The following VPS13B variants were observed in gnomAD, a reference collection of about 807,000 sequenced individuals.
VPS13B encodes intermembrane lipid transfer protein VPS13B.
VPS13B carries 285 observed loss-of-function variants against 426.4 expected under a neutral mutation model. The observed-to-expected ratio is 0.67, with a 90% CI of 0.61 to 0.74. The LOEUF (loss-of-function observed/expected upper bound fraction) is 0.74, where lower values mean the gene tolerates loss of function less well. Among genes scored for constraint, VPS13B ranks in the 30% least tolerant of loss-of-function variants. The pLI, the probability that VPS13B is intolerant of heterozygous loss-of-function variation, is 0.00. For synonymous variants in VPS13B, 1,676 were observed against 1,676.4 expected, an observed-to-expected ratio of 1.00 and a Z score of 0.01; for missense variants, 4,537 against 4,782.6, an observed-to-expected ratio of 0.95 and a Z score of 1.51.
At chr8:99,508,176 T>A (rs991510504) in intron 28 of VPS13B, among the ~76,000 whole-genome samples, 2 of 152,238 alleles carry the variant, frequency 1.3e-5, no homozygotes, top group Admixed American at 6.5e-5. Context: ...AAATTGTGCA[T>A]GTATTGAATG....
intron 40 of VPS13B, among the ~76,000 whole-genome samples, chr8:99,776,510 G>A (rs748900306): frequency 7.2e-5 from 11 of 152,102 alleles, no homozygotes; most frequent in Non-Finnish European, 1.2e-4. Context: ...ACCCAGGCTG[G>A]TCTCGAACTC....
intron 16 of VPS13B, among the ~76,000 whole-genome samples, chr8:99,173,867 CCTT>C (rs1411993817): frequency 6.6e-6 from 1 of 152,202 alleles, no homozygotes; most frequent in East Asian, 1.9e-4. Flanking sequence ...TTGATCCTCT[CCTT>C]CTTGATTCAA....
Position 99,481,752 on chromosome 8 carries a change from C to G in VPS13B, c.3820C>G (p.Pro1274Ala). The change falls in exon 25 of 62, where the codon CCA (proline) becomes GCA (alanine). Residue 1274 changes from proline (P) to alanine (A), a missense_variant. Around this residue, in one of 2 missense-constraint regions of VPS13B, gnomAD observed 4,311 missense variants for 4,474.3 expected, o/e 0.96. Transcript: ENST00000357162. Reference protein sequence around the residue: ...PVRSSIGTAPPDTSTCSPSAD... With the variant: ...PVRSSIGTAPADTSTCSPSAD... Reference sequence around the variant, plus strand: ...TAGAAGCAGTATAGGCACAGCTCCTCCAGATACCAGCACATGCAGCCCATC... The same window carrying G: ...TAGAAGCAGTATAGGCACAGCTCCTGCAGATACCAGCACATGCAGCCCATC... 6.2e-7 allele frequency: 1 copy of G among 1,613,930 alleles called. No homozygotes were observed. The highest frequency in any genetic ancestry group is 8.5e-7 in the Non-Finnish European group (1 of 1,179,868).
chr8:99,459,703 G>A (rs1011743482), intron 23 of VPS13B, among the ~76,000 whole-genome samples: 3 of 152,156 alleles, frequency 2.0e-5, no homozygotes, highest in South Asian at 2.1e-4. Context: ...TATGGTATTA[G>A]AATCATATGG....
chr8:99,050,114 A>G (rs1341713198), intron 3 of VPS13B, among the ~76,000 whole-genome samples: 3 of 151,804 alleles, frequency 2.0e-5, no homozygotes, highest in Non-Finnish European at 4.4e-5. Context: ...TACACGGGCC[A>G]TGTTGGTGTG....
At chr8:99,658,515 T>G (rs368100544) in intron 34 of VPS13B, among the ~76,000 whole-genome samples, 2 of 152,196 alleles carry the variant, frequency 1.3e-5, no homozygotes, top group East Asian at 3.8e-4. Flanking sequence ...TCTTAAACAA[T>G]TATACAGATT....
intron 30 of VPS13B, among the ~76,000 whole-genome samples, chr8:99,551,918 A>G (rs988291586): frequency 6.6e-6 from 1 of 151,984 alleles, no homozygotes; most frequent in Non-Finnish European, 1.5e-5. Flanking sequence ...GCATTTTTCA[A>G]TAATTGTGGA....
chr8:99,687,681 C>T (rs1324174673), intron 35 of VPS13B, among the ~76,000 whole-genome samples: 1 of 152,064 alleles, frequency 6.6e-6, no homozygotes, highest in African/African-American at 2.4e-5. Flanking sequence ...GATTCTCTCT[C>T]TGTGCCACAC....
intron 19 of VPS13B, among the ~76,000 whole-genome samples, chr8:99,334,496 T>C (rs970169514): frequency 5.3e-5 from 8 of 152,134 alleles, no homozygotes; most frequent in African/African-American, 1.9e-4. Flanking sequence ...GGGTTTGTCA[T>C]AGATAGCTCT....
At chr8:99,608,527 C>T (rs1225013849) in intron 33 of VPS13B, among the ~76,000 whole-genome samples, 1 of 152,140 alleles carries the variant, frequency 6.6e-6, no homozygotes, top group Non-Finnish European at 1.5e-5. Flanking sequence ...TTAAAATGTA[C>T]AGCTGTATGA....
At chr8:99,404,949 G>A (rs759451291) in intron 21 of VPS13B, among the ~76,000 whole-genome samples, 1 of 152,310 alleles carries the variant, frequency 6.6e-6, no homozygotes, top group East Asian at 1.9e-4. Context: ...ATTTTAAAGG[G>A]AAAGCTGTAG....
chr8:99,468,462 TA>T (rs1051935127), intron 24 of VPS13B, among the ~76,000 whole-genome samples: 19 of 151,728 alleles, frequency 1.3e-4, no homozygotes, highest in South Asian at 4.1e-4. Flanking sequence ...AAAGAAATAT[TA>T]AAAAAAATTT....
intron 23 of VPS13B, among the ~76,000 whole-genome samples, chr8:99,443,888 G>A (rs953058316): frequency 5.3e-5 from 8 of 152,042 alleles, no homozygotes; most frequent in African/African-American, 1.2e-4. Flanking sequence ...CTCAGGAATT[G>A]CCAGACTGTC....
chr8:99,099,725 G>A (rs563417886), intron 4 of VPS13B, among the ~76,000 whole-genome samples: 6 of 152,260 alleles, frequency 3.9e-5, no homozygotes, highest in Non-Finnish European at 7.4e-5. Context: ...TGAACAAGAA[G>A]TGCGAATGGA....
intron 17 of VPS13B, among the ~76,000 whole-genome samples, chr8:99,268,151 A>C (rs1362125002): frequency 1.3e-5 from 2 of 152,186 alleles, no homozygotes; most frequent in African/African-American, 4.8e-5. Context: ...GGATGTGTGG[A>C]AATGCCTGGA....
intron 17 of VPS13B, among the ~76,000 whole-genome samples, chr8:99,262,608 T>A (rs535533164): frequency 3.7e-4 from 56 of 152,312 alleles, no homozygotes; most frequent in African/African-American, 1.3e-3. Flanking sequence ...TACTATATAG[T>A]ATGAAAGATT....
intron 21 of VPS13B, among the ~76,000 whole-genome samples, chr8:99,430,710 C>CT (rs896737750): frequency 6.6e-6 from 1 of 151,344 alleles, no homozygotes; most frequent in African/African-American, 2.4e-5. Context: ...CCACCCCCCC[C>CT]CCAACTTTTT....
Position 99,064,798 on chromosome 8 carries a change from C to T in VPS13B, c.291+26232C>T, listed in dbSNP as rs186751928. Among the ~76,000 whole-genome samples, 957 of 152,192 alleles carry T rather than the reference C, an allele frequency of 6.3e-3. 6 individuals are homozygous for T. Among genetic ancestry groups the T allele is most frequent in the African/African-American group, 0.022 (898 of 41,504 alleles). On this transcript the variant is annotated intron_variant, in intron 3 of 61. Coordinates refer to ENST00000357162, the MANE Select transcript of VPS13B (RefSeq NM_152564.5). ...CTTCGAGAAGAGCAACTCCAAGACA[C>T]ATAATTGTCAGATTCACCAAGGTTG...
chr8:99,125,090 T>C lies in VPS13B; in HGVS notation c.1206+3645T>C, dbSNP rs571609991. On this transcript the variant is annotated intron_variant, in intron 8 of 61. Transcript: ENST00000357162. ...TATTAAGGAGAGTTGACTCACACGATCACAAGGTAAAGTCCCATGATAGGC... is the reference window on the plus strand; with the variant it reads ...TATTAAGGAGAGTTGACTCACACGACCACAAGGTAAAGTCCCATGATAGGC... 7.2e-5 allele frequency among the ~76,000 whole-genome samples: 11 copies of C among 152,180 alleles called. No homozygotes were observed. In the South Asian group the frequency reaches 2.3e-3, roughly 32 times the overall value.
Sources: gnomAD v4.1 joint callset for allele counts (sites outside exome capture counted in the v4.1 genomes callset) on GRCh38, gnomAD v4.1.1 for gene constraint, gnomAD v4.1.1 regional missense constraint, MANE v1.5 for transcripts, NCBI Gene and HGNC (gene_info 2026-07-23, HGNC 2026-07-21) for gene names.